Variants in PCSK5 observed in about 807,000 individuals in gnomAD.
PCSK5 encodes proprotein convertase subtilisin/kexin type 5.
A neutral mutation model predicts 233.2 loss-of-function variants in PCSK5; 129 were observed. The observed-to-expected ratio is 0.55, with a 90% CI of 0.48 to 0.64. The LOEUF (loss-of-function observed/expected upper bound fraction) is 0.64, where lower values mean the gene tolerates loss of function less well. Ranked by LOEUF, PCSK5 falls within the 30% of genes least tolerant of loss-of-function variation. The pLI, the probability that PCSK5 is intolerant of heterozygous loss-of-function variation, is 0.00. For missense variants in PCSK5, 2,076 were observed against 2,430.1 expected (o/e 0.85, Z 3.06); for synonymous variants, 825 against 879.2 (o/e 0.94, Z 1.09).
At chr9:76,051,125 T>A (rs1289126623) in intron 5 of PCSK5, among the ~76,000 whole-genome samples, 4 of 152,198 alleles carry the variant, frequency 2.6e-5, no homozygotes, top group African/African-American at 9.6e-5. Flanking sequence ...GTAGTCCTGG[T>A]CACAGATCTC....
chr9:76,171,483 A>G (rs542115054), intron 13 of PCSK5, among the ~76,000 whole-genome samples: 28 of 152,322 alleles, frequency 1.8e-4, no homozygotes, highest in African/African-American at 5.1e-4. Context: ...TCTGTTCTTT[A>G]TTACCACCAG....
At chr9:76,303,571 G>A (rs889712721) in intron 28 of PCSK5, among the ~76,000 whole-genome samples, 5 of 152,216 alleles carry the variant, frequency 3.3e-5, no homozygotes, top group Admixed American at 6.5e-5. Flanking sequence ...AGATTTGCAC[G>A]GTGTTCACTG....
chr9:76,090,733 G>A (rs1391976004), intron 7 of PCSK5, among the ~76,000 whole-genome samples: 1 of 152,080 alleles, frequency 6.6e-6, no homozygotes, highest in Non-Finnish European at 1.5e-5. Context: ...ACAGAATGGG[G>A]GGTTGAGGGA....
intron 1 of PCSK5, among the ~76,000 whole-genome samples, chr9:75,898,497 TTGTC>T (rs1825900031): frequency 1.3e-5 from 2 of 152,110 alleles, no homozygotes; most frequent in Admixed American, 6.5e-5. Flanking sequence ...GCCAATCACT[TTGTC>T]TAGGAGGGTA....
intron 9 of PCSK5, among the ~76,000 whole-genome samples, 178 bp downstream of exon 9, chr9:76,107,529 A>T (rs536938653): frequency 7.9e-5 from 12 of 152,340 alleles, no homozygotes; most frequent in East Asian, 3.9e-4. Context: ...ATTAAGAAGA[A>T]GATTAGGTTT....
At chr9:76,280,353 G>A (rs1322016065) in intron 24 of PCSK5, among the ~76,000 whole-genome samples, 1 of 152,072 alleles carries the variant, frequency 6.6e-6, no homozygotes, top group African/African-American at 2.4e-5. Context: ...TTTTACAGTG[G>A]CATCTACATG....
chr9:76,292,232 G>T lies in PCSK5; in HGVS notation c.3143-1G>T. ...TACTTTTTATTATTTTTTTTTTCCA[G>T]ATGATCCAGGAACATGTACATCTTG... is the stretch of plus-strand genomic sequence containing the variant. On this transcript the variant is annotated splice_acceptor_variant, in intron 24 of 37. Coordinates refer to ENST00000674117, the MANE Select transcript of PCSK5 (RefSeq NM_001372043.1). LOFTEE classifies it high-confidence loss of function. 1 of 1,539,390 alleles carries T rather than the reference G, an allele frequency of 6.5e-7. No homozygotes were observed. The highest frequency in any genetic ancestry group is 8.9e-7 in the Non-Finnish European group (1 of 1,118,170).
chr9:76,312,507 CT>C (rs1828892332), intron 30 of PCSK5, among the ~76,000 whole-genome samples: 1 of 146,062 alleles, frequency 6.8e-6, no homozygotes, highest in Admixed American at 6.9e-5. Context: ...GAAACTCCAT[CT>C]CAAAAAAAAA....
intron 2 of PCSK5, among the ~76,000 whole-genome samples, chr9:75,967,925 G>C (rs558635082): frequency 6.6e-6 from 1 of 152,300 alleles, no homozygotes; most frequent in African/African-American, 2.4e-5. Flanking sequence ...ACCACGCCTA[G>C]CTAATTTTGT....
chr9:76,341,332 C>A (rs1403143697), intron 35 of PCSK5, among the ~76,000 whole-genome samples: 2 of 152,106 alleles, frequency 1.3e-5, no homozygotes, highest in African/African-American at 4.8e-5. Context: ...ACTATGTCTT[C>A]ATTTATTTAT....
chr9:76,215,579 G>A (rs1182828625), intron 20 of PCSK5, among the ~76,000 whole-genome samples: 1 of 152,156 alleles, frequency 6.6e-6, no homozygotes, highest in African/African-American at 2.4e-5. Flanking sequence ...AAGGTGTGGT[G>A]GCCTCCAAGG....
At chr9:76,158,889 A>T (rs773883291) in intron 11 of PCSK5, 94 bp from the exon 12 acceptor site, 1 of 1,027,172 alleles carries the variant, frequency 9.7e-7, no homozygotes, top group Non-Finnish European at 1.5e-6. Flanking sequence ...TCAGCTGCTT[A>T]TCTTACATTG....
At position 75,986,231 on chromosome 9, in the gene PCSK5, A is replaced by G. The variant is rs1213116976; in HGVS notation, c.397A>G (p.Ser133Gly). The change falls in exon 3 of 38, where the codon AGC becomes GGC. Residue 133 changes from serine to glycine, a missense_variant. Transcript: ENST00000674117. ...CTATTTCAATGATCCCAAGTGGCCC[A>G]GCATGTGGTATATGGTAAGCTTGCT... Reference protein sequence around the residue: ...STYFNDPKWPSMWYMHCSDNT... With the variant: ...STYFNDPKWPGMWYMHCSDNT... 1 of 1,601,982 alleles carries G rather than the reference A, an allele frequency of 6.2e-7. No individual in the cohort carries two copies. Among genetic ancestry groups the G allele is most frequent in the Non-Finnish European group, 8.6e-7 (1 of 1,168,922 alleles).
intron 5 of PCSK5, among the ~76,000 whole-genome samples, chr9:76,038,011 T>C (rs1828934344): frequency 6.6e-6 from 1 of 152,224 alleles, no homozygotes; most frequent in Non-Finnish European, 1.5e-5. Context: ...TGCTAGTAAA[T>C]GCATTTGAAT....
intron 2 of PCSK5, among the ~76,000 whole-genome samples, chr9:75,975,966 A>C (rs1020255665): frequency 6.6e-6 from 1 of 152,194 alleles, no homozygotes; most frequent in African/African-American, 2.4e-5. Flanking sequence ...CTCTGAATTA[A>C]GACTGCATTT....
intron 35 of PCSK5, among the ~76,000 whole-genome samples, chr9:76,348,630 T>C (rs956219144): frequency 3.3e-5 from 5 of 152,150 alleles, no homozygotes; most frequent in Non-Finnish European, 7.4e-5. Flanking sequence ...TTCAAATACT[T>C]AATCCTTTTT....
At chr9:76,209,868 T>C (rs953856307) in intron 20 of PCSK5, among the ~76,000 whole-genome samples, 6 of 152,114 alleles carry the variant, frequency 3.9e-5, no homozygotes, top group Non-Finnish European at 8.8e-5. Context: ...AAAGAATTAA[T>C]TCAGCTGCAT....
chr9:76,297,396 C>T (rs1828472519), intron 27 of PCSK5, among the ~76,000 whole-genome samples: 1 of 152,120 alleles, frequency 6.6e-6, no homozygotes, highest in Admixed American at 6.5e-5. Flanking sequence ...GTCAAGCTTG[C>T]CTTTAAAAGT....
intron 2 of PCSK5, among the ~76,000 whole-genome samples, chr9:75,951,512 A>G (rs1032451990): frequency 1.3e-5 from 2 of 152,352 alleles, no homozygotes; most frequent in East Asian, 3.9e-4. Context: ...TGATTTACAA[A>G]CTTTGAATCT....
Sources: gnomAD v4.1 joint callset for allele counts (sites outside exome capture counted in the v4.1 genomes callset) on GRCh38, gnomAD v4.1.1 for gene constraint, MANE v1.5 for transcripts, NCBI Gene and HGNC (gene_info 2026-07-23, HGNC 2026-07-21) for gene names.